The following EPB41 variants were observed in gnomAD, a reference collection of about 807,000 sequenced individuals.
EPB41 encodes the protein erythrocyte membrane protein band 4.1.
Under a neutral mutation model 108.0 loss-of-function variants are expected in EPB41, and 65 were observed. The observed-to-expected ratio is 0.60, with a 90% CI of 0.49 to 0.74. The LOEUF (loss-of-function observed/expected upper bound fraction) is 0.74, where lower values mean the gene tolerates loss of function less well. EPB41 is among the 30% of genes least tolerant of loss of function. EPB41 has a pLI of 0.00. For synonymous variants in EPB41, 336 were observed against 358.9 expected, an observed-to-expected ratio of 0.94 and a Z score of 0.72; for missense variants, 875 against 1,037.0, an observed-to-expected ratio of 0.84 and a Z score of 2.15.
At chr1:29,112,478 G>A in intron 19 of EPB41, 30 bp downstream of exon 19, 3 of 1,590,402 alleles carry the variant, frequency 1.9e-6, no homozygotes, top group Non-Finnish European at 1.7e-6. Context: ...CTGGGCCTGG[G>A]AGGGGTCCCT....
Position 29,110,827 on chromosome 1 carries a change from C to A in EPB41, c.2415+1390C>A, listed in dbSNP as rs74395394. Reference sequence around the variant, plus strand: ...ATGAAAATGCTTTAAAATACAAGAGCCCAGTTTCAAGCTGTGTGACATATT... The same window carrying A: ...ATGAAAATGCTTTAAAATACAAGAGACCAGTTTCAAGCTGTGTGACATATT... On this transcript the variant is annotated intron_variant, in intron 18 of 20. Coordinates refer to ENST00000343067, the MANE Select transcript of EPB41 (RefSeq NM_001376013.1). 2.7e-4 allele frequency among the ~76,000 whole-genome samples: 41 copies of A among 152,208 alleles called. 1 individual carries two copies. The East Asian group carries it at 7.9e-3, about 29-fold the overall frequency.
At chr1:29,105,089 C>T (rs950756546) in intron 17 of EPB41, among the ~76,000 whole-genome samples, 1 of 152,290 alleles carries the variant, frequency 6.6e-6, no homozygotes, top group Admixed American at 6.5e-5. Context: ...CAGAACATTA[C>T]CCCTGAAACT....
chr1:29,068,853 C>A, intron 16 of EPB41: 1 of 1,132,070 alleles, frequency 8.8e-7, no homozygotes, highest in Non-Finnish European at 1.1e-6. Context: ...AGCAGATAAT[C>A]CCCCCAGAAC....
chr1:28,938,167 G>A (rs555539055), intron 1 of EPB41, among the ~76,000 whole-genome samples: 4 of 152,262 alleles, frequency 2.6e-5, no homozygotes, highest in African/African-American at 9.6e-5. Context: ...TTTCAACATT[G>A]TTTTGGCTGT....
chr1:29,012,871 A>G (rs2096526704), intron 5 of EPB41, among the ~76,000 whole-genome samples: 1 of 152,202 alleles, frequency 6.6e-6, no homozygotes, highest in Non-Finnish European at 1.5e-5. Context: ...TTTAAAATGC[A>G]AGTCAGAGCA....
At chr1:28,955,694 A>C (rs2094923977) in intron 1 of EPB41, among the ~76,000 whole-genome samples, 1 of 152,094 alleles carries the variant, frequency 6.6e-6, no homozygotes, top group South Asian at 2.1e-4. Context: ...GAGTGGGTAT[A>C]GGTGGGAACT....
At chr1:29,045,637 G>C (rs1196340325) in intron 11 of EPB41, among the ~76,000 whole-genome samples, 7 of 149,616 alleles carry the variant, frequency 4.7e-5, no homozygotes, top group Non-Finnish European at 1.5e-5. Flanking sequence ...TTACAAGAGT[G>C]AGCCACCACA....
At chr1:28,914,554 C>G (rs1313783681), upstream of EPB41, 1 of 150,354 alleles carries the variant, frequency 6.7e-6, no homozygotes, top group Non-Finnish European at 1.5e-5. Context: ...GCGGGCCGGG[C>G]TGGCCTCGCC....
chr1:28,898,611 C>G (rs560021210), intron 1 of EPB41, among the ~76,000 whole-genome samples: 1 of 152,334 alleles, frequency 6.6e-6, no homozygotes, highest in East Asian at 1.9e-4. Context: ...TTGGCCCCAC[C>G]CACTGCTTCC....
chr1:29,096,122 T>C (rs1663141969), intron 16 of EPB41: 1 of 982,922 alleles, frequency 1.0e-6, no homozygotes, highest in African/African-American at 1.7e-5. Context: ...ATACCTAATC[T>C]TCTTGCTTTT....
rs1644784047 is a variant in EPB41 at position 29,052,993 on chromosome 1, ACT to A, written c.1637-108_1637-107del. On this transcript the variant is annotated intron_variant, in intron 11 of 20. Transcript: ENST00000343067. Reference sequence around the variant, plus strand: ...CCCTCTGTGTGATAGCCCACTACACACTCTAACATTCGTGTGTATCCTGGATT... The same window carrying A: ...CCCTCTGTGTGATAGCCCACTACACACTAACATTCGTGTGTATCCTGGATT... 2.6e-6 allele frequency: 3 copies of A among 1,172,834 alleles called. No homozygotes were observed. In the African/African-American group the frequency reaches 4.5e-5, roughly 18 times the overall value. The allele number at this position is 1,172,834 out of a possible 1,614,324, so 72.7% of individuals were successfully genotyped here.
chr1:29,113,647 C>T (rs921234816), intron 19 of EPB41, among the ~76,000 whole-genome samples: 4 of 152,178 alleles, frequency 2.6e-5, no homozygotes, highest in South Asian at 2.1e-4. Flanking sequence ...CCTGACTCTG[C>T]GACCTAATTG....
At chr1:28,987,281 T>A in intron 1 of EPB41, 150 bp from the exon 2 acceptor site, 1 of 680,112 alleles carries the variant, frequency 1.5e-6, no homozygotes, top group Admixed American at 2.8e-5. Context: ...ATTTTTGTAA[T>A]TTAATGGAAA....
chr1:29,110,178 A>G (rs1207984894), intron 18 of EPB41, among the ~76,000 whole-genome samples: 2 of 66,030 alleles, frequency 3.0e-5, no homozygotes, highest in Non-Finnish European at 8.4e-5. Context: ...TGTACAAAAA[A>G]ATACAAAAAA....
intron 17 of EPB41, among the ~76,000 whole-genome samples, chr1:29,100,808 T>C (rs1363361070): frequency 6.7e-6 from 1 of 149,038 alleles, no homozygotes; most frequent in Non-Finnish European, 1.5e-5. Context: ...GGCATAGCTG[T>C]AGTTGCAGCT....
chr1:28,980,646 A>G (rs905807099), intron 1 of EPB41, among the ~76,000 whole-genome samples: 1 of 151,822 alleles, frequency 6.6e-6, no homozygotes, highest in Non-Finnish European at 1.5e-5. Context: ...GAGCCCAGGA[A>G]GTTGAGGTTG....
intron 1 of EPB41, among the ~76,000 whole-genome samples, chr1:28,898,983 A>G (rs2091005139): frequency 6.6e-6 from 1 of 151,738 alleles, no homozygotes; most frequent in African/African-American, 2.4e-5. Context: ...TGGTCGGGGT[A>G]GAGCTGGATC....
intron 14 of EPB41, among the ~76,000 whole-genome samples, chr1:29,060,115 C>CAT (rs1646253031): frequency 6.6e-6 from 1 of 152,120 alleles, no homozygotes; most frequent in Non-Finnish European, 1.5e-5. Context: ...AGGTAACCCT[C>CAT]AAACAGTTCA....
At chr1:29,009,889 T>C (rs1482702484) in intron 4 of EPB41, among the ~76,000 whole-genome samples, 1 of 152,224 alleles carries the variant, frequency 6.6e-6, no homozygotes, top group African/African-American at 2.4e-5. Flanking sequence ...TTATTGTCTG[T>C]TGTAATGATT....
Sources: gnomAD v4.1 joint callset for allele counts (sites outside exome capture counted in the v4.1 genomes callset) on GRCh38, gnomAD v4.1.1 for gene constraint, MANE v1.5 for transcripts, NCBI Gene and HGNC (gene_info 2026-07-23, HGNC 2026-07-21) for gene names.